SEC14L5: variants seen among roughly 807,000 people sequenced by gnomAD.
The protein encoded by SEC14L5 is SEC14 like lipid binding 5.
In SEC14L5, 96 loss-of-function variants were observed where a neutral mutation model predicts 84.6. That is an observed-to-expected ratio of 1.13 (90% CI 0.96 to 1.34). The LOEUF is 1.34. SEC14L5 is among the 40% of genes most tolerant of loss of function. The pLI is 0.00. For synonymous variants in SEC14L5, 546 were observed against 383.4 expected, an observed-to-expected ratio of 1.42 and a Z score of -4.95; for missense variants, 1,224 against 942.5, an observed-to-expected ratio of 1.30 and a Z score of -3.91.
At chr16:4,987,819 G>C in intron 3 of SEC14L5, 113 bp downstream of exon 3, 3 of 803,906 alleles carry the variant, frequency 3.7e-6, no homozygotes, top group Non-Finnish European at 3.8e-6. Context: ...TGGAGCAGGG[G>C]CGTGTGAGTT....
chr16:5,017,878 T>C lies in SEC14L5; in HGVS notation c.*2908T>C, dbSNP rs959833284. On this transcript the variant is annotated 3_prime_UTR_variant, in exon 16 of 16. Coordinates refer to ENST00000251170, the MANE Select transcript of SEC14L5 (RefSeq NM_014692.2). ...ATTGCCAAGCTTTTGGCTTTTGAAT[T>C]TCCCCTGAGCCACAAAGGCTGGAAG... The C allele has an allele frequency of 9.2e-5, 14 of 152,228 alleles. No homozygotes were observed. The highest frequency in any genetic ancestry group is 1.3e-4 in the Non-Finnish European group (9 of 68,038). 9.4% of individuals were successfully genotyped at this position (152,228 alleles called of 1,614,324 possible).
chr16:4,963,904 C>G (rs1402512823), intron 2 of SEC14L5, among the ~76,000 whole-genome samples: 1 of 152,176 alleles, frequency 6.6e-6, no homozygotes, highest in Non-Finnish European at 1.5e-5. Flanking sequence ...CCAGCCTGGT[C>G]TTGAACTCCT....
At position 5,003,542 on chromosome 16, in the gene SEC14L5, C is replaced by A; in HGVS notation, c.1271C>A (p.Ala424Asp). The A allele has an allele frequency of 6.2e-7, 1 of 1,611,146 alleles. No homozygotes were observed. Among genetic ancestry groups the A allele is most frequent in the African/African-American group, 1.3e-5 (1 of 74,688 alleles). The change falls in exon 11 of 16, where the codon GCC becomes GAC. Residue 424 changes from alanine to aspartate, a missense_variant. Transcript: ENST00000251170. ...ETLGRLLIVRAPRVFPVLWTL... is the reference protein window; with the variant it reads ...ETLGRLLIVRDPRVFPVLWTL... ...CTGGGTCGGCTGCTCATCGTGCGAGCCCCCCGAGTCTTCCCCGTGCTCTGG... is the reference window on the plus strand; with the variant it reads ...CTGGGTCGGCTGCTCATCGTGCGAGACCCCCGAGTCTTCCCCGTGCTCTGG...
chr16:4,965,101 C>T (rs1370890630), intron 2 of SEC14L5, among the ~76,000 whole-genome samples: 3 of 152,100 alleles, frequency 2.0e-5, no homozygotes, highest in Non-Finnish European at 2.9e-5. Context: ...ATGTCTTTAA[C>T]GTATACATCT....
At chr16:5,001,491 C>G (rs982843648) in intron 10 of SEC14L5, among the ~76,000 whole-genome samples, 20 of 152,216 alleles carry the variant, frequency 1.3e-4, no homozygotes, top group Admixed American at 1.2e-3. Flanking sequence ...GGTCTCCTGA[C>G]CTCGTGATCC....
chr16:4,991,728 C>T (rs976127558), intron 5 of SEC14L5, 110 bp from the exon 6 acceptor site: 10 of 620,080 alleles, frequency 1.6e-5, no homozygotes, highest in Admixed American at 9.7e-5. Context: ...TCAATAGCCA[C>T]GTGTCGGGGC....
chr16:4,986,416 ATGCGTGAGCCACCACACC>A (rs1955487842), intron 2 of SEC14L5, among the ~76,000 whole-genome samples: 1 of 152,200 alleles, frequency 6.6e-6, no homozygotes, highest in Non-Finnish European at 1.5e-5. Context: ...CTGGGATTGT[ATGCGTGAGCCACCACACC>A]TGGCCTGCTA....
chr16:4,988,151 C>T lies in SEC14L5; in HGVS notation c.216C>T (p.Ile72=). The part of the protein sequence containing the change: ...RVDAPRLLRK[I]AGVEHVVFVQ... ...CCTCCCCGCCCCTTCCCTTGCAGAT[C>T]GCAGGTGTTGAGCACGTGGTCTTCG... is the stretch of plus-strand genomic sequence containing the variant. Residue 72 remains isoleucine (I), a splice_region_variant and synonymous_variant, in exon 4 of 16, where the codon ATC becomes ATT. Transcript: ENST00000251170. 6.4e-7 allele frequency: 1 copy of T among 1,555,440 alleles called. No homozygotes were observed. The highest frequency in any genetic ancestry group is 1.7e-5 in the Admixed American group (1 of 58,608).
At position 4,961,133 on chromosome 16, in the gene SEC14L5, C is replaced by T. The variant is rs898745497; in HGVS notation, c.63+1747C>T. Among the ~76,000 whole-genome samples, 7 of 152,032 alleles carry T rather than the reference C, an allele frequency of 4.6e-5. No individual in the cohort carries two copies. The East Asian group carries it at 5.8e-4, about 13-fold the overall frequency. Reference sequence around the variant, plus strand: ...AAAAATACAAGAAAAATTAGCCGGGCGTGGTGGCGCGCACCTGTAGTCCCA... The same window carrying T: ...AAAAATACAAGAAAAATTAGCCGGGTGTGGTGGCGCGCACCTGTAGTCCCA... On this transcript the variant is annotated intron_variant, in intron 2 of 15. Transcript: ENST00000251170.
chr16:4,986,777 T>C (rs1035940700), intron 2 of SEC14L5, among the ~76,000 whole-genome samples: 1 of 152,258 alleles, frequency 6.6e-6, no homozygotes, highest in African/African-American at 2.4e-5. Flanking sequence ...CTAAGTATTT[T>C]ATTCTTTTTG....
intron 2 of SEC14L5, among the ~76,000 whole-genome samples, chr16:4,973,907 C>G (rs1955308541): frequency 6.6e-6 from 1 of 152,010 alleles, no homozygotes; most frequent in Non-Finnish European, 1.5e-5. Flanking sequence ...TGGTCTTGAA[C>G]TCCTCACCTC....
intron 12 of SEC14L5, among the ~76,000 whole-genome samples, chr16:5,006,986 T>C (rs1035699424): frequency 3.9e-5 from 6 of 152,062 alleles, no homozygotes; most frequent in Non-Finnish European, 7.4e-5. Context: ...GCAGCTGCTA[T>C]GGGGTGCGGT....
At chr16:4,962,933 T>G (rs1596610757) in intron 2 of SEC14L5, among the ~76,000 whole-genome samples, 1 of 152,006 alleles carries the variant, frequency 6.6e-6, no homozygotes, top group South Asian at 2.1e-4. Flanking sequence ...ACAAAAGGGG[T>G]TTTCTATGCT....
intron 2 of SEC14L5, among the ~76,000 whole-genome samples, chr16:4,983,829 A>T (rs1171206790): frequency 6.6e-6 from 1 of 151,778 alleles, no homozygotes; most frequent in Non-Finnish European, 1.5e-5. Flanking sequence ...GTGAGCCGAG[A>T]TCGCGCCATT....
chr16:4,977,415 C>T (rs1043418024), intron 2 of SEC14L5, among the ~76,000 whole-genome samples: 1 of 122,618 alleles, frequency 8.2e-6, no homozygotes, highest in Non-Finnish European at 1.6e-5. Context: ...CCATTGCACT[C>T]CAGCCTAGGC....
intron 13 of SEC14L5, 34 bp from the exon 14 acceptor site, chr16:5,008,387 C>A: frequency 6.6e-7 from 1 of 1,506,294 alleles, no homozygotes; most frequent in Non-Finnish European, 9.1e-7. Context: ...ACTCTCTCGG[C>A]CGTGACTCTC....
At chr16:4,990,358 T>C (rs921643390) in intron 4 of SEC14L5, among the ~76,000 whole-genome samples, 8 of 152,204 alleles carry the variant, frequency 5.3e-5, no homozygotes, top group Non-Finnish European at 4.4e-5. Flanking sequence ...AGATGGAGTT[T>C]CACCATGTTG....
chr16:4,958,803 G>A (rs1040801664), intron 1 of SEC14L5, among the ~76,000 whole-genome samples: 9 of 152,160 alleles, frequency 5.9e-5, no homozygotes, highest in African/African-American at 2.2e-4. Flanking sequence ...TAGAGACAGT[G>A]CCTGTGAAAT....
chr16:4,988,039 C>T (rs1955512020), intron 3 of SEC14L5, 110 bp from the exon 4 acceptor site: 1 of 1,215,066 alleles, frequency 8.2e-7, no homozygotes, highest in African/African-American at 1.5e-5. Context: ...CGCAAGGGAC[C>T]TGGGACTCAG....
Sources: allele counts gnomAD v4.1 joint callset (sites outside exome capture counted in the v4.1 genomes callset), GRCh38; gene constraint gnomAD v4.1.1; transcripts MANE v1.5; gene names NCBI Gene and HGNC (gene_info 2026-07-23, HGNC 2026-07-21).